Variants in RGL2 observed in about 807,000 individuals in gnomAD.
The protein encoded by RGL2 is ral guanine nucleotide dissociation stimulator-like 2.
RGL2 carries 40 observed loss-of-function variants against 84.6 expected under a neutral mutation model. The ratio of observed to expected loss-of-function variants is 0.47; its 90% CI spans 0.37 to 0.62. The LOEUF (loss-of-function observed/expected upper bound fraction) is 0.62, where lower values mean the gene tolerates loss of function less well. RGL2 is among the 20% of genes least tolerant of loss of function. RGL2 has a pLI of 0.00. For missense variants in RGL2, 865 were observed against 1,019.7 expected, an observed-to-expected ratio of 0.85 and a Z score of 2.07; for synonymous variants, 369 against 417.3, an observed-to-expected ratio of 0.88 and a Z score of 1.41.
chr6:33,296,826 T>G lies in RGL2; in HGVS notation c.241-50A>C, dbSNP rs1444575724. 1.9e-6 allele frequency: 3 copies of G among 1,608,384 alleles called. No individual in the cohort carries two copies. Among genetic ancestry groups the G allele is most frequent in the Admixed American group, 1.7e-5 (1 of 59,972 alleles). ...CTAACCCTTTCTCCCACTCTGCACC[T>G]AGATTTCTGAGGACAATCCCAGACC... On this transcript the variant is annotated intron_variant, in intron 3 of 17. Transcript: ENST00000497454. This position sits in a 1 kb window ranked among gnomAD's most constrained non-coding sequence, Gnocchi z 5.0.
In RGL2 at chr6:33,293,329, T is replaced by C. The variant is rs773919527; in HGVS notation, c.1717-23A>G. 6.4e-7 allele frequency: 1 copy of C among 1,564,534 alleles called. No individual in the cohort carries two copies. The highest frequency in any genetic ancestry group is 1.4e-5 in the African/African-American group (1 of 73,150). ...GTGCTAGGAACAAACAACATGGGAC[T>C]GGCATGAAGGCAGGGAGGTTTAAGG... On this transcript the variant is annotated intron_variant, in intron 15 of 17. Transcript: ENST00000497454. The surrounding 1 kb of genome is among the most constrained non-coding windows in gnomAD (Gnocchi z 7.0).
chr6:33,294,874 CT>C lies in RGL2; in HGVS notation c.1278+102del, dbSNP rs1767786771. 1 of 1,489,164 alleles carries C rather than the reference CT, an allele frequency of 6.7e-7. No individual in the cohort carries two copies. Among genetic ancestry groups the C allele is most frequent in the African/African-American group, 1.4e-5 (1 of 72,060 alleles). 92.2% of individuals were successfully genotyped at this position (1,489,164 alleles called of 1,614,324 possible). On this transcript the variant is annotated intron_variant, in intron 10 of 17. Coordinates refer to ENST00000497454, the MANE Select transcript of RGL2 (RefSeq NM_004761.5). The surrounding 1 kb of genome is among the most constrained non-coding windows in gnomAD (Gnocchi z 5.0). ...AGAACAGATTTCATTCTCCTCACCC[CT>C]CTGTGCCTCCCTTACCCATCCTTCA...
Position 33,298,657 on chromosome 6 carries a change from G to T in RGL2, c.-41-6C>A. Reference sequence around the variant, plus strand: ...GGGTCGGGCCATGGGGGCGCCTGGGGAGAGACGGGGTGGGGTGGGGGTGGA... The same window carrying T: ...GGGTCGGGCCATGGGGGCGCCTGGGTAGAGACGGGGTGGGGTGGGGGTGGA... On this transcript the variant is annotated splice_polypyrimidine_tract_variant and splice_region_variant and intron_variant, in intron 1 of 17. Coordinates refer to ENST00000497454, the MANE Select transcript of RGL2 (RefSeq NM_004761.5). This position sits in a 1 kb window ranked among gnomAD's most constrained non-coding sequence, Gnocchi z 4.8. The T allele has an allele frequency of 3.4e-6, 4 of 1,170,976 alleles. No homozygotes were observed. Among genetic ancestry groups the T allele is most frequent in the Non-Finnish European group, 4.6e-6 (4 of 875,854 alleles). 72.5% of individuals were successfully genotyped at this position (1,170,976 alleles called of 1,614,324 possible).
chr6:33,297,014 C>G lies in RGL2; in HGVS notation c.240+18G>C. The G allele has an allele frequency of 6.3e-7, 1 of 1,590,738 alleles. No homozygotes were observed. Among genetic ancestry groups the G allele is most frequent in the Non-Finnish European group, 8.6e-7 (1 of 1,168,082 alleles). On this transcript the variant is annotated intron_variant, in intron 3 of 17. Transcript: ENST00000497454. The surrounding 1 kb of genome is among the most constrained non-coding windows in gnomAD (Gnocchi z 4.0). The stretch of plus-strand genomic sequence containing the variant: ...GGAATGAAGAGTCAGAGGTGAGAAG[C>G]TAAAGTCATGATCTCACCAAGGGAT...
At position 33,296,837 on chromosome 6, in the gene RGL2, G is replaced by A. The variant is rs751370180; in HGVS notation, c.241-61C>T. The A allele has an allele frequency of 2.5e-6, 4 of 1,602,768 alleles. No individual in the cohort carries two copies. The African/African-American group carries it at 5.4e-5, about 21-fold the overall frequency. On this transcript the variant is annotated intron_variant, in intron 3 of 17. Coordinates refer to ENST00000497454, the MANE Select transcript of RGL2 (RefSeq NM_004761.5). This position sits in a 1 kb window ranked among gnomAD's most constrained non-coding sequence, Gnocchi z 5.0. ...TCCCACTCTGCACCTAGATTTCTGA[G>A]GACAATCCCAGACCCAGGAGATGTT...
chr6:33,297,084 T>C lies in RGL2; in HGVS notation c.188A>G (p.Asp63Gly). Residue 63 changes from aspartate to glycine, a missense_variant, in exon 3 of 18, where the codon GAT becomes GGT. By Grantham distance (94) the Asp-to-Gly change is moderately conservative. Coordinates refer to ENST00000497454, the MANE Select transcript of RGL2 (RefSeq NM_004761.5). The surrounding 1 kb of genome is among the most constrained non-coding windows in gnomAD (Gnocchi z 4.0). ...APVSVWDEEE[D>G]GAVFTVTSRQ... ...GCTTGTGACGGTAAACACGGCACCA[T>C]CCTCCTCCTCATCCCAGACGGACAC... The C allele has an allele frequency of 6.4e-7, 1 of 1,568,440 alleles. No homozygotes were observed. The highest frequency in any genetic ancestry group is 8.6e-7 in the Non-Finnish European group (1 of 1,160,528).
Position 33,294,203 on chromosome 6 carries a change from C to T in RGL2, c.1354-137G>A. 1.0e-6 allele frequency: 1 copy of T among 1,001,472 alleles called. No homozygotes were observed. The highest frequency in any genetic ancestry group is 1.5e-6 in the Non-Finnish European group (1 of 676,544). 62.0% of individuals were successfully genotyped at this position (1,001,472 alleles called of 1,614,324 possible). On this transcript the variant is annotated intron_variant, in intron 11 of 17. Transcript: ENST00000497454. The surrounding 1 kb of genome is among the most constrained non-coding windows in gnomAD (Gnocchi z 5.0). ...CCTCCAGCCTCTCTGACTCTTCGATCCCTCCCTGCCTTCCTCCTCAATCTA... is the reference window on the plus strand; with the variant it reads ...CCTCCAGCCTCTCTGACTCTTCGATTCCTCCCTGCCTTCCTCCTCAATCTA...
At position 33,295,748 on chromosome 6, in the gene RGL2, G is replaced by C. The variant is rs1767885742; in HGVS notation, c.780C>G (p.Leu260=). 1.2e-6 allele frequency: 2 copies of C among 1,613,262 alleles called. No individual in the cohort carries two copies. Among genetic ancestry groups the C allele is most frequent in the Admixed American group, 3.3e-5 (2 of 59,892 alleles). ...QLTLLDAELF[L]NLIPSQCLGG... Reference sequence around the variant, plus strand: ...CCAGGCACTGAGAGGGGATCAAATTGAGAAAAAGTTCCTGCAGGGTAGAGG... The same window carrying C: ...CCAGGCACTGAGAGGGGATCAAATTCAGAAAAAGTTCCTGCAGGGTAGAGG... Residue 260 remains leucine (L), a synonymous_variant, in exon 7 of 18, where the codon CTC becomes CTG. Transcript: ENST00000497454. This position sits in a 1 kb window ranked among gnomAD's most constrained non-coding sequence, Gnocchi z 7.2.
Position 33,295,387 on chromosome 6 carries a change from A to T in RGL2, c.1056T>A (p.Tyr352Ter). The T allele has an allele frequency of 6.2e-7, 1 of 1,609,172 alleles. No individual in the cohort carries two copies. The highest frequency in any genetic ancestry group is 8.5e-7 in the Non-Finnish European group (1 of 1,178,480). The change falls in exon 8 of 18, where the codon TAT (tyrosine) becomes TAA (stop). Residue 352 changes from tyrosine to a stop codon, truncating the protein, a stop_gained. Transcript: ENST00000497454. LOFTEE classifies it high-confidence loss of function. This position sits in a 1 kb window ranked among gnomAD's most constrained non-coding sequence, Gnocchi z 7.2. The stretch of plus-strand genomic sequence containing the variant: ...TGGACTGCAGGGCTGACACCACGGC[A>T]TAAACTGAAGAGAAGTTTCGGAGCA... ...CRLLRNFSSV[Y>*]AVVSALQSSP...
chr6:33,293,265 C>T lies in RGL2; in HGVS notation c.1758G>A (p.Leu586=). Residue 586 remains leucine, a synonymous_variant, in exon 16 of 18, where the codon TTG becomes TTA. Transcript: ENST00000497454. This position sits in a 1 kb window ranked among gnomAD's most constrained non-coding sequence, Gnocchi z 7.0. The part of the protein sequence containing the change: ...WPSVSSLDSA[L]ESSPSLHSPA... ...GACTGTGCAGGGATGGACTGCTTTC[C>T]AAGGCAGAGTCTAGTGACGAGACAG... The T allele has an allele frequency of 6.5e-7, 1 of 1,545,594 alleles. No homozygotes were observed.
At position 33,295,968 on chromosome 6, in the gene RGL2, G is replaced by A. The variant is rs563201599; in HGVS notation, c.768+60C>T. On this transcript the variant is annotated intron_variant, in intron 6 of 17. Coordinates refer to ENST00000497454, the MANE Select transcript of RGL2 (RefSeq NM_004761.5). The surrounding 1 kb of genome is among the most constrained non-coding windows in gnomAD (Gnocchi z 7.2). ...GGGGTGGAAGCAAGGAAAGGATCTG[G>A]AGTCAAGGAGAGGTTAGTAAGGGGT... 4.7e-4 allele frequency: 739 copies of A among 1,585,924 alleles called. 5 individuals are homozygous for A. In the African/African-American group the frequency reaches 6.3e-3, roughly 14 times the overall value.
chr6:33,293,543 G>A lies in RGL2; in HGVS notation c.1605-19C>T. 17 of 1,613,042 alleles carry A rather than the reference G, an allele frequency of 1.1e-5. No individual in the cohort carries two copies. The highest frequency in any genetic ancestry group is 1.4e-5 in the Non-Finnish European group (16 of 1,179,354). ...CAAAACCCTGCAGTGGCAGGAGATT[G>A]GGAGGATCAGAGAAAAGTGGAAGTC... is the stretch of plus-strand genomic sequence containing the variant. On this transcript the variant is annotated intron_variant, in intron 14 of 17. Coordinates refer to ENST00000497454, the MANE Select transcript of RGL2 (RefSeq NM_004761.5). This position sits in a 1 kb window ranked among gnomAD's most constrained non-coding sequence, Gnocchi z 7.0.
In RGL2 at chr6:33,293,259, G is replaced by A. The variant is rs1476102498; in HGVS notation, c.1764C>T (p.Ser588=). ...SVSSLDSALE[S]SPSLHSPADP... ...CAGCTGGACTGTGCAGGGATGGACT[G>A]CTTTCCAAGGCAGAGTCTAGTGACG... is the stretch of plus-strand genomic sequence containing the variant. The change falls in exon 16 of 18, where the codon AGC becomes AGT. Residue 588 remains serine (S), a synonymous_variant. Coordinates refer to ENST00000497454, the MANE Select transcript of RGL2 (RefSeq NM_004761.5). This position sits in a 1 kb window ranked among gnomAD's most constrained non-coding sequence, Gnocchi z 7.0. The A allele has an allele frequency of 4.5e-6, 7 of 1,545,292 alleles. No individual in the cohort carries two copies. The highest frequency in any genetic ancestry group is 1.4e-5 in the African/African-American group (1 of 72,750).
At position 33,295,368 on chromosome 6, in the gene RGL2, G is replaced by C; in HGVS notation, c.1075C>G (p.Gln359Glu). The C allele has an allele frequency of 9.4e-6, 15 of 1,602,822 alleles. No homozygotes were observed. The highest frequency in any genetic ancestry group is 1.3e-5 in the Non-Finnish European group (15 of 1,175,576). Reference protein sequence around the residue: ...SSVYAVVSALQSSPIHRLRAA... With the variant: ...SSVYAVVSALESSPIHRLRAA... ...CGAAGCCTGTGGATGGGGCTGGACT[G>C]CAGGGCTGACACCACGGCATAAACT... Residue 359 changes from glutamine (Q) to glutamate (E), a missense_variant, in exon 8 of 18, where the codon CAG becomes GAG. Physicochemically the swap from Gln to Glu is conservative, Grantham distance 29. Transcript: ENST00000497454. This position sits in a 1 kb window ranked among gnomAD's most constrained non-coding sequence, Gnocchi z 7.2.
Position 33,298,779 on chromosome 6 carries a change from C to A in RGL2, c.-42+91G>T, listed in dbSNP as rs1175310327. ...TCTGCAGGAAGGTTGGGGGAGGGGGCAACAGAAGGGTGGAATAGGGGGGCC... is the reference window on the plus strand; with the variant it reads ...TCTGCAGGAAGGTTGGGGGAGGGGGAAACAGAAGGGTGGAATAGGGGGGCC... On this transcript the variant is annotated intron_variant, in intron 1 of 17. Coordinates refer to ENST00000497454, the MANE Select transcript of RGL2 (RefSeq NM_004761.5). The surrounding 1 kb of genome is among the most constrained non-coding windows in gnomAD (Gnocchi z 4.8). The A allele has an allele frequency of 4.5e-6, 2 of 448,256 alleles. No individual in the cohort carries two copies. Among genetic ancestry groups the A allele is most frequent in the Non-Finnish European group, 7.7e-6 (2 of 258,394 alleles). 27.8% of individuals were successfully genotyped at this position (448,256 alleles called of 1,614,324 possible).
Position 33,296,118 on chromosome 6 carries a change from C to T in RGL2, c.678G>A (p.Leu226=), listed in dbSNP as rs765945971. 3 of 1,613,522 alleles carry T rather than the reference C, an allele frequency of 1.9e-6. No individual in the cohort carries two copies. The highest frequency in any genetic ancestry group is 2.5e-6 in the Non-Finnish European group (3 of 1,179,922). The change falls in exon 6 of 18, where the codon CTG becomes CTA. Residue 226 remains leucine, a synonymous_variant. Transcript: ENST00000497454. This position sits in a 1 kb window ranked among gnomAD's most constrained non-coding sequence, Gnocchi z 5.0. ...CAGCAGGGGGATCGCCGGGGAGGGC[C>T]AGGGGCTTAGGAAGGTCGGGGGCCT... ...DPQAPDLPKP[L]ALPGDPPADP...
chr6:33,291,831 G>C lies in RGL2; in HGVS notation c.*271C>G. On this transcript the variant is annotated 3_prime_UTR_variant, in exon 18 of 18. Coordinates refer to ENST00000497454, the MANE Select transcript of RGL2 (RefSeq NM_004761.5). Reference sequence around the variant, plus strand: ...CATGTTAGGATATGGCCAAGAATCAGAAACTGATGCGTTTTTCCAGCACTA... The same window carrying C: ...CATGTTAGGATATGGCCAAGAATCACAAACTGATGCGTTTTTCCAGCACTA... 4 of 584,376 alleles carry C rather than the reference G, an allele frequency of 6.8e-6. No homozygotes were observed. The highest frequency in any genetic ancestry group is 1.2e-5 in the Non-Finnish European group (4 of 329,924). 36.2% of individuals were successfully genotyped at this position (584,376 alleles called of 1,614,324 possible). A position where few individuals can be genotyped will look rare whatever the true frequency, so the allele number is the denominator to read the frequency against.
Position 33,297,328 on chromosome 6 carries a change from G to T in RGL2, c.157-213C>A. On this transcript the variant is annotated intron_variant, in intron 2 of 17. Transcript: ENST00000497454. This position sits in a 1 kb window ranked among gnomAD's most constrained non-coding sequence, Gnocchi z 4.0. ...CCCACCCCAGCCGCCTCAGGGCCCC[G>T]GTGGAGTCGAAGGGGCTGCAGTGGA... 1 of 513,334 alleles carries T rather than the reference G, an allele frequency of 1.9e-6. No homozygotes were observed. The highest frequency in any genetic ancestry group is 3.4e-5 in the South Asian group (1 of 29,038). The allele number at this position is 513,334 out of a possible 1,614,324, so 31.8% of individuals were successfully genotyped here.
chr6:33,292,984 T>A (rs986128406), intron 16 of RGL2, 32 bp downstream of exon 16: 2 of 1,613,582 alleles, frequency 1.2e-6, no homozygotes, highest in Non-Finnish European at 1.7e-6. Context: ...GACACCATCC[T>A]TCACCCCAAC....
Sources: gnomAD v4.1 joint callset for allele counts on GRCh38, gnomAD v4.1.1 for gene constraint, Gnocchi (gnomAD v3.1) non-coding constraint, MANE v1.5 for transcripts, NCBI Gene and HGNC (gene_info 2026-07-23, HGNC 2026-07-21) for gene names.